CDC42EP3: variants seen among roughly 807,000 people sequenced by gnomAD.
The protein encoded by CDC42EP3 is CDC42 effector protein 3, also known as CDC42 effector protein (Rho GTPase binding) 3.
In CDC42EP3, 4 loss-of-function variants were observed where a neutral mutation model predicts 15.5. The ratio of observed to expected loss-of-function variants is 0.26; its 90% CI spans 0.13 to 0.59. CDC42EP3 has a LOEUF of 0.59. Ranked by LOEUF, CDC42EP3 falls within the 20% of genes least tolerant of loss-of-function variation. The probability of loss-of-function intolerance (pLI) is 0.89; values close to 1 mark genes in which losing one functional copy is unlikely to be tolerated. For missense variants in CDC42EP3, 309 were observed against 311.2 expected, an observed-to-expected ratio of 0.99 and a Z score of 0.05; for synonymous variants, 145 against 130.3, an observed-to-expected ratio of 1.11 and a Z score of -0.77.
At chr2:37,657,469 C>T (rs544341194) in intron 1 of CDC42EP3, among the ~76,000 whole-genome samples, 2 of 152,214 alleles carry the variant, frequency 1.3e-5, no homozygotes, top group Non-Finnish European at 2.9e-5. Context: ...AAGGGCTATA[C>T]ATGAGTGTTC....
At chr2:37,662,438 A>C (rs1371776926) in intron 1 of CDC42EP3, among the ~76,000 whole-genome samples, 1 of 152,248 alleles carries the variant, frequency 6.6e-6, no homozygotes, top group Non-Finnish European at 1.5e-5. Context: ...GATTCCTTTT[A>C]ACCTTACTCC....
At chr2:37,662,984 G>T (rs1282148217) in intron 1 of CDC42EP3, among the ~76,000 whole-genome samples, 1 of 152,222 alleles carries the variant, frequency 6.6e-6, no homozygotes, top group Non-Finnish European at 1.5e-5. Context: ...GGCCAACACG[G>T]TGAAAGCCAG....
At chr2:37,647,191 T>C (rs1204748795) in intron 1 of CDC42EP3, among the ~76,000 whole-genome samples, 2 of 152,248 alleles carry the variant, frequency 1.3e-5, no homozygotes, top group African/African-American at 4.8e-5. Context: ...ATGTGCATAC[T>C]AGCAACACTA....
intron 1 of CDC42EP3, among the ~76,000 whole-genome samples, chr2:37,665,864 T>TG (rs72542367): frequency 5.8e-5 from 1 of 17,356 alleles, no homozygotes; most frequent in Non-Finnish European, 1.6e-4. Flanking sequence ...CCTGGCTCAC[T>TG]GTTCTGGAGC....
Position 37,645,856 on chromosome 2 carries a change from A to C in CDC42EP3, c.732T>G (p.Asp244Glu). Residue 244 changes from aspartate to glutamate, a missense_variant, in exon 2 of 2, where the codon GAT becomes GAG. Transcript: ENST00000295324. ...TTTTATCCATTACATTCAGCACCTC[A>C]TCCAAAAGTGAGGGCCCAAGATCAA... ...LQLDLGPSLL[D>E]EVLNVMDKNK 6.4e-7 allele frequency: 1 copy of C among 1,563,586 alleles called. No homozygotes were observed. The highest frequency in any genetic ancestry group is 8.6e-7 in the Non-Finnish European group (1 of 1,159,920).
intron 1 of CDC42EP3, among the ~76,000 whole-genome samples, chr2:37,670,186 A>C (rs1666362263): frequency 6.6e-6 from 1 of 152,130 alleles, no homozygotes; most frequent in East Asian, 1.9e-4. Flanking sequence ...TCTCCCTGTG[A>C]TGTTAACAGG....
In CDC42EP3 at chr2:37,646,617, G is replaced by A. The variant is rs1423276308; in HGVS notation, c.-30C>T. The A allele has an allele frequency of 2.0e-6, 3 of 1,519,440 alleles. No homozygotes were observed. The highest frequency in any genetic ancestry group is 2.7e-5 in the South Asian group (2 of 74,532). 94.1% of individuals were successfully genotyped at this position (1,519,440 alleles called of 1,614,324 possible). ...GAATTTGAGAATGTCTATTTTGCAA[G>A]CGGGAGAAAGGGCCACTTTCTTCAC... On this transcript the variant is annotated 5_prime_UTR_variant, in exon 2 of 2. Coordinates refer to ENST00000295324, the MANE Select transcript of CDC42EP3 (RefSeq NM_006449.5).
intron 1 of CDC42EP3, among the ~76,000 whole-genome samples, chr2:37,656,483 T>A (rs1434429702): frequency 3.3e-5 from 5 of 152,244 alleles, no homozygotes. Flanking sequence ...AGAGGCTCTC[T>A]GGAAAGTGAC....
At chr2:37,662,285 G>C (rs753818364) in intron 1 of CDC42EP3, among the ~76,000 whole-genome samples, 2 of 152,094 alleles carry the variant, frequency 1.3e-5, no homozygotes, top group African/African-American at 2.4e-5. Context: ...GAGTCTTCCT[G>C]GGTAACAACG....
chr2:37,672,275 A>C (rs9309014), upstream of CDC42EP3: 2 of 152,340 alleles, frequency 1.3e-5, no homozygotes, highest in East Asian at 1.9e-4. Context: ...AGAGTGGAAT[A>C]AGCGCCCTGA....
chr2:37,661,956 T>A, intron 1 of CDC42EP3, among the ~76,000 whole-genome samples: 1 of 152,090 alleles, frequency 6.6e-6, no homozygotes, highest in East Asian at 1.9e-4. Flanking sequence ...ACTTAAACAC[T>A]TAAGGCCTTG....
chr2:37,652,036 C>G (rs1414041273), intron 1 of CDC42EP3, among the ~76,000 whole-genome samples: 4 of 151,546 alleles, frequency 2.6e-5, no homozygotes, highest in Non-Finnish European at 1.5e-5. Context: ...TTAGCCGGGC[C>G]TGGTGGCAGG....
chr2:37,643,255 C>T lies in CDC42EP3; in HGVS notation c.*2568G>A, dbSNP rs1458247425. 6.6e-6 allele frequency: 1 copy of T among 152,192 alleles called. No individual in the cohort carries two copies. Among genetic ancestry groups the T allele is most frequent in the Non-Finnish European group, 1.5e-5 (1 of 68,048 alleles). 9.4% of individuals were successfully genotyped at this position (152,192 alleles called of 1,614,324 possible). ...CACAGCAGGTATGGGTCTAAAGTGCCTCTCTGCAGGAAAGAAAGCCACCAC... is the reference window on the plus strand; with the variant it reads ...CACAGCAGGTATGGGTCTAAAGTGCTTCTCTGCAGGAAAGAAAGCCACCAC... On this transcript the variant is annotated 3_prime_UTR_variant, in exon 2 of 2. Coordinates refer to ENST00000295324, the MANE Select transcript of CDC42EP3 (RefSeq NM_006449.5).
At chr2:37,666,813 C>CT (rs11311656) in intron 1 of CDC42EP3, among the ~76,000 whole-genome samples, 72,834 of 147,986 alleles carry the variant, frequency 0.49, 17,859 homozygotes, top group Non-Finnish European at 0.54. Context: ...AAGGAGAAAG[C>CT]TTTTTTTTTT....
rs1665435766 is a variant in CDC42EP3, at chr2:37,645,900, A to C, written c.688T>G (p.Ser230Ala). The change falls in exon 2 of 2, where the codon TCC (serine) becomes GCC (alanine). Residue 230 changes from serine (S) to alanine (A), a missense_variant. By Grantham distance (99) the Ser-to-Ala change is moderately conservative. Coordinates refer to ENST00000295324, the MANE Select transcript of CDC42EP3 (RefSeq NM_006449.5). ...SEESLSDLTG[S>A]LLSLQLDLGP... is the part of the protein sequence containing the mutation. ...AGATCAAGCTGCAGGGAGAGGAGGG[A>C]ACCTGTAAGGTCAGAGAGGGACTCC... The C allele has an allele frequency of 1.2e-6, 2 of 1,608,162 alleles. No homozygotes were observed. Among genetic ancestry groups the C allele is most frequent in the African/African-American group, 1.3e-5 (1 of 74,636 alleles).
chr2:37,655,532 C>G (rs1346472825), intron 1 of CDC42EP3, among the ~76,000 whole-genome samples: 1 of 152,152 alleles, frequency 6.6e-6, no homozygotes, highest in Non-Finnish European at 1.5e-5. Flanking sequence ...GGGGAAGACT[C>G]AATGTGGACA....
intron 1 of CDC42EP3, among the ~76,000 whole-genome samples, chr2:37,650,940 A>G (rs949441224): frequency 3.3e-5 from 5 of 152,224 alleles, no homozygotes; most frequent in African/African-American, 1.2e-4. Flanking sequence ...CAACTCACAG[A>G]GAAATAACAA....
intron 1 of CDC42EP3, among the ~76,000 whole-genome samples, chr2:37,652,190 A>G (rs1361395936): frequency 6.7e-6 from 1 of 150,374 alleles, no homozygotes; most frequent in South Asian, 2.1e-4. Flanking sequence ...AAAAAAAAAA[A>G]AAAAAAAAAA....
intron 1 of CDC42EP3, among the ~76,000 whole-genome samples, chr2:37,667,666 T>C (rs191362549): frequency 5.6e-4 from 85 of 152,340 alleles, no homozygotes; most frequent in Non-Finnish European, 1.1e-3. Context: ...AATAAAATAA[T>C]TTACATAGTG....
Sources: gnomAD v4.1 joint callset for allele counts (sites outside exome capture counted in the v4.1 genomes callset) on GRCh38, gnomAD v4.1.1 for gene constraint, MANE v1.5 for transcripts, NCBI Gene and HGNC (gene_info 2026-07-23, HGNC 2026-07-21) for gene names.